Variants in KIF13A observed in about 807,000 individuals in gnomAD.
KIF13A encodes kinesin family member 13A, also known as kinesin-like protein KIF13A.
In KIF13A, 79 loss-of-function variants were observed where a neutral mutation model predicts 212.2. The ratio of observed to expected loss-of-function variants is 0.37; its 90% CI spans 0.31 to 0.45. The LOEUF (loss-of-function observed/expected upper bound fraction) is 0.45, where lower values mean the gene tolerates loss of function less well. KIF13A is among the 20% of genes least tolerant of loss of function. The probability of loss-of-function intolerance (pLI) is 1.00; values close to 1 mark genes in which losing one functional copy is unlikely to be tolerated. For missense variants in KIF13A, 1,901 were observed against 2,209.0 expected (o/e 0.86, Z 2.79); for synonymous variants, 789 against 808.6 (o/e 0.98, Z 0.41).
At chr6:17,774,926 G>A (rs1759809405) in intron 35 of KIF13A, 89 bp downstream of exon 35, 2 of 917,288 alleles carry the variant, frequency 2.2e-6, no homozygotes, top group African/African-American at 1.7e-5. Flanking sequence ...TCAACCAGGT[G>A]AGGCCCAGAG....
chr6:17,881,932 G>GTTGCAGTGAGCTGAGA, intron 3 of KIF13A: 1 of 443,812 alleles, frequency 2.3e-6, no homozygotes, highest in Non-Finnish European at 4.6e-6. Context: ...GGAGACTGAG[G>GTTGCAGTGAGCTGAGA]TTGCAGTGAG....
rs769673178 is a variant in KIF13A, at chr6:17,772,016, A to C, written c.4368T>G (p.Phe1456Leu). Residue 1456 changes from phenylalanine to leucine, a missense_variant, in exon 37 of 39, where the codon TTT (phenylalanine) becomes TTG (leucine). Physicochemically the swap from Phe to Leu is conservative, Grantham distance 22. Around this residue, in one of 5 missense-constraint regions of KIF13A, gnomAD observed 687 missense variants for 759.1 expected, o/e 0.90. Transcript: ENST00000259711. The surrounding 1 kb of genome is among the most constrained non-coding windows in gnomAD (Gnocchi z 4.8). ...ETPHALTVSPFKAFSPQPPKF... is the reference protein window; with the variant it reads ...ETPHALTVSPLKAFSPQPPKF... Reference sequence around the variant, plus strand: ...TTGGTGGCTGAGGAGAGAATGCTTTAAAAGGGCTGACGGTTAAGGCATGAG... The same window carrying C: ...TTGGTGGCTGAGGAGAGAATGCTTTCAAAGGGCTGACGGTTAAGGCATGAG... The C allele has an allele frequency of 6.2e-7, 1 of 1,613,946 alleles. No homozygotes were observed. The highest frequency in any genetic ancestry group is 8.5e-7 in the Non-Finnish European group (1 of 1,179,818).
chr6:17,824,064 T>C lies in KIF13A; in HGVS notation c.1786+1704A>G, dbSNP rs139167769. On this transcript the variant is annotated intron_variant, in intron 16 of 38. Coordinates refer to ENST00000259711, the MANE Select transcript of KIF13A (RefSeq NM_022113.6). ...CTAGGATTACAGCCATGTGCCACCA[T>C]GCCTGGCTAACTTTTGTATTTTTTG... 2.8e-3 allele frequency among the ~76,000 whole-genome samples: 422 copies of C among 152,092 alleles called. 2 individuals are homozygous for C. Among genetic ancestry groups the C allele is most frequent in the Admixed American group, 0.015 (224 of 15,258 alleles).
chr6:17,920,702 T>C (rs1283823714), intron 2 of KIF13A, among the ~76,000 whole-genome samples: 2 of 152,018 alleles, frequency 1.3e-5, no homozygotes, highest in East Asian at 1.9e-4. Flanking sequence ...GGTGAAACCC[T>C]GTCTCTACTA....
At chr6:17,782,924 C>T (rs1316599520) in intron 29 of KIF13A, among the ~76,000 whole-genome samples, 1 of 152,174 alleles carries the variant, frequency 6.6e-6, no homozygotes, top group Admixed American at 6.5e-5. Flanking sequence ...AACTCACTAT[C>T]TTATGAGGCA....
In KIF13A at chr6:17,783,339, T is replaced by C. The variant is rs959261289; in HGVS notation, c.3544+307A>G. Among the ~76,000 whole-genome samples the C allele has an allele frequency of 4.6e-5, 7 of 152,224 alleles. No homozygotes were observed. The highest frequency in any genetic ancestry group is 1.7e-4 in the African/African-American group (7 of 41,460). On this transcript the variant is annotated intron_variant, in intron 29 of 38. Coordinates refer to ENST00000259711, the MANE Select transcript of KIF13A (RefSeq NM_022113.6). The surrounding 1 kb of genome is among the most constrained non-coding windows in gnomAD (Gnocchi z 4.3). The stretch of plus-strand genomic sequence containing the variant: ...GGCACTAGTCAGAGATGCAGATTCA[T>C]AGGCCCTTGCCAAGCCTAAAGACTC...
rs2150349862 is a variant in KIF13A at position 17,813,550 on chromosome 6, G to A, written c.2000+3470C>T. 3.3e-5 allele frequency among the ~76,000 whole-genome samples: 5 copies of A among 152,310 alleles called. 1 individual carries two copies. The Middle Eastern group carries it at 0.017, about 518-fold the overall frequency. ...TTCCTATTTCAGTATCCAGACAGAT[G>A]AGCAGGTAGCTCCTGGGGAAAATAT... On this transcript the variant is annotated intron_variant, in intron 17 of 38. Coordinates refer to ENST00000259711, the MANE Select transcript of KIF13A (RefSeq NM_022113.6).
Position 17,825,782 on chromosome 6 carries a change from G to A in KIF13A, c.1772C>T (p.Thr591Ile). 6.2e-7 allele frequency: 1 copy of A among 1,613,714 alleles called. No individual in the cohort carries two copies. The change falls in exon 16 of 39, where the codon ACC becomes ATC. Residue 591 changes from threonine (T) to isoleucine (I), a missense_variant. Transcript: ENST00000259711. This position sits in a 1 kb window ranked among gnomAD's most constrained non-coding sequence, Gnocchi z 4.5. ...GAGGGTCTTACCATTACTATTCAGGGTTTTCATGATAACTTCCATCTGTGC... is the reference window on the plus strand; with the variant it reads ...GAGGGTCTTACCATTACTATTCAGGATTTTCATGATAACTTCCATCTGTGC... ...EFAQMEVIMK[T>I]LNSNDPVQNV...
At chr6:17,937,770 G>C (rs1253905711) in intron 2 of KIF13A, among the ~76,000 whole-genome samples, 2 of 141,958 alleles carry the variant, frequency 1.4e-5, no homozygotes, top group African/African-American at 5.4e-5. Context: ...GTTTTTTTGA[G>C]ACGGAGTCTC....
At chr6:17,960,524 T>C (rs1387506601) in intron 2 of KIF13A, among the ~76,000 whole-genome samples, 1 of 152,344 alleles carries the variant, frequency 6.6e-6, no homozygotes, top group East Asian at 1.9e-4. Flanking sequence ...GTGACCATTT[T>C]GGGGTAATAA....
At chr6:17,810,697 T>A (rs545120989) in intron 17 of KIF13A, among the ~76,000 whole-genome samples, 39 of 152,296 alleles carry the variant, frequency 2.6e-4, no homozygotes, top group African/African-American at 8.4e-4. Context: ...GACAGTTCCA[T>A]CTGGGGGTGT....
rs527839147 is a variant in KIF13A at position 17,838,446 on chromosome 6, G to A, written c.831-863C>T. 6.6e-6 allele frequency among the ~76,000 whole-genome samples: 1 copy of A among 152,158 alleles called. No individual in the cohort carries two copies. The highest frequency in any genetic ancestry group is 2.1e-4 in the South Asian group (1 of 4,826). On this transcript the variant is annotated intron_variant, in intron 9 of 38. Transcript: ENST00000259711. This position sits in a 1 kb window ranked among gnomAD's most constrained non-coding sequence, Gnocchi z 4.2. The stretch of plus-strand genomic sequence containing the variant: ...TTCCATCAAATAAGCTGAAAGGAAA[G>A]CAGCCTATTTCCCACAAAACATAAT...
At chr6:17,955,605 T>A (rs184140753) in intron 2 of KIF13A, among the ~76,000 whole-genome samples, 1 of 152,236 alleles carries the variant, frequency 6.6e-6, no homozygotes, top group Non-Finnish European at 1.5e-5. Flanking sequence ...TGGGTTTAAA[T>A]TTGTCTTATT....
At chr6:17,881,443 T>TAAAAA in intron 3 of KIF13A, 1 of 389,672 alleles carries the variant, frequency 2.6e-6, no homozygotes, top group South Asian at 1.8e-5. Context: ...AATTTACAGT[T>TAAAAA]AAAAAAAAAA....
At position 17,892,788 on chromosome 6, in the gene KIF13A, A is replaced by G. The variant is rs551258932; in HGVS notation, c.159+5380T>C. 5.9e-5 allele frequency among the ~76,000 whole-genome samples: 9 copies of G among 152,350 alleles called. No individual in the cohort carries two copies. The highest frequency in any genetic ancestry group is 1.9e-4 in the African/African-American group (8 of 41,594). Reference sequence around the variant, plus strand: ...TACTGGAAGGGCAGTACACACAGAAAGGGCAGAGAGGCTTCATGCTGCCTT... The same window carrying G: ...TACTGGAAGGGCAGTACACACAGAAGGGGCAGAGAGGCTTCATGCTGCCTT... On this transcript the variant is annotated intron_variant, in intron 3 of 38. Coordinates refer to ENST00000259711, the MANE Select transcript of KIF13A (RefSeq NM_022113.6). The surrounding 1 kb of genome is among the most constrained non-coding windows in gnomAD (Gnocchi z 4.7).
At chr6:17,876,604 G>A (rs1465108664) in intron 3 of KIF13A, among the ~76,000 whole-genome samples, 1 of 147,524 alleles carries the variant, frequency 6.8e-6, no homozygotes, top group South Asian at 2.2e-4. Flanking sequence ...TCATGTATAT[G>A]ATCTGTGTGT....
At chr6:17,778,398 A>G (rs1359231120) in intron 33 of KIF13A, among the ~76,000 whole-genome samples, 2 of 152,040 alleles carry the variant, frequency 1.3e-5, no homozygotes, top group Non-Finnish European at 2.9e-5. Context: ...ACCTCCCCCA[A>G]TAATGTCAAC....
chr6:17,766,817 TTTAGA>T (rs1359893590), intron 38 of KIF13A, among the ~76,000 whole-genome samples: 2 of 152,198 alleles, frequency 1.3e-5, no homozygotes, highest in Non-Finnish European at 2.9e-5. Context: ...ATTTCATCTG[TTTAGA>T]TTAATAGTAA....
intron 16 of KIF13A, among the ~76,000 whole-genome samples, chr6:17,818,312 T>C (rs1172216350): frequency 6.6e-6 from 1 of 152,226 alleles, no homozygotes; most frequent in Non-Finnish European, 1.5e-5. Context: ...GAAAAGAAGC[T>C]GAAAATTAAA....
Sources: gnomAD v4.1 joint callset for allele counts (sites outside exome capture counted in the v4.1 genomes callset) on GRCh38, gnomAD v4.1.1 for gene constraint, gnomAD v4.1.1 regional missense constraint, Gnocchi (gnomAD v3.1) non-coding constraint, MANE v1.5 for transcripts, NCBI Gene and HGNC (gene_info 2026-07-23, HGNC 2026-07-21) for gene names.